MAP3K3: variants seen among roughly 807,000 people sequenced by gnomAD.
MAP3K3 encodes MAP/ERK kinase kinase 3.
MAP3K3 carries 12 observed loss-of-function variants against 80.9 expected under a neutral mutation model. The ratio of observed to expected loss-of-function variants is 0.15; its 90% confidence interval spans 0.10 to 0.24. The LOEUF is 0.24. Among genes scored for constraint, MAP3K3 ranks in the 10% least tolerant of loss-of-function variants. The pLI, the probability that MAP3K3 is intolerant of heterozygous loss-of-function variation, is 1.00. For synonymous variants in MAP3K3, 272 were observed against 307.1 expected (o/e 0.89, Z 1.19); for missense variants, 596 against 834.7 (o/e 0.71, Z 3.52).
rs1253452563 is a variant in MAP3K3, at chr17:63,660,724, C to T, written c.381+2817C>T. Among the ~76,000 whole-genome samples the T allele has an allele frequency of 3.3e-5, 5 of 152,190 alleles. No homozygotes were observed. In the East Asian group the frequency reaches 9.7e-4, roughly 29 times the overall value. On this transcript the variant is annotated intron_variant, in intron 5 of 15. Transcript: ENST00000361733. ...TCTCCTGCCTCAGCCTCCCCAGTAG[C>T]TGGGGTTACAGGCATGCACCACCAC...
Position 63,681,777 on chromosome 17 carries a change from C to G in MAP3K3, c.514C>G (p.Pro172Ala), listed in dbSNP as rs374807460. 1.4e-5 allele frequency: 21 copies of G among 1,511,180 alleles called. No homozygotes were observed. The highest frequency in any genetic ancestry group is 1.7e-5 in the Non-Finnish European group (19 of 1,124,116). The allele number at this position is 1,511,180 out of a possible 1,614,324, so 93.6% of individuals were successfully genotyped here. Reference protein sequence around the residue: ...SRHLSVSSQNPGRSSPPPGYV... With the variant: ...SRHLSVSSQNAGRSSPPPGYV... ...TTTATGTGCTCTAGGCTCCCAGAAC[C>G]CTGGCCGAAGCTCACCTCCCCCTGG... The change falls in exon 7 of 16, where the codon CCT becomes GCT. Residue 172 changes from proline (P) to alanine (A), a missense_variant. By Grantham distance (27) the Pro-to-Ala change is conservative (BLOSUM62 -1). Around this residue, in one of 2 missense-constraint regions of MAP3K3, gnomAD observed 232 missense variants for 245.8 expected, o/e 0.94. Coordinates refer to ENST00000361733, the MANE Select transcript of MAP3K3 (RefSeq NM_002401.5).
rs965009113 is a variant in MAP3K3, at chr17:63,691,579, C to T, written c.1345-154C>T. 6.6e-6 allele frequency among the ~76,000 whole-genome samples: 1 copy of T among 152,164 alleles called. No individual in the cohort carries two copies. The highest frequency in any genetic ancestry group is 2.4e-5 in the African/African-American group (1 of 41,432). On this transcript the variant is annotated intron_variant, in intron 13 of 15. Coordinates refer to ENST00000361733, the MANE Select transcript of MAP3K3 (RefSeq NM_002401.5). The surrounding 1 kb of genome is among the most constrained non-coding windows in gnomAD (Gnocchi z 4.8). ...AGAAGGACTTGGGGTACTCTCTTTT[C>T]CAAACTGCCTGACAGCTCCTGGCAA...
Position 63,655,951 on chromosome 17 carries a change from G to A in MAP3K3, c.268-1843G>A, listed in dbSNP as rs781485409. Among the ~76,000 whole-genome samples, 153 of 151,934 alleles carry A rather than the reference G, an allele frequency of 1.0e-3. 4 individuals carry two copies. The highest frequency in any genetic ancestry group is 1.0e-3 in the Non-Finnish European group (68 of 67,986). ...ATTTTAAATATGTACTGTTTTTGGC[G>A]AGGCGCGATGGTTCATGCCTGTAAT... On this transcript the variant is annotated intron_variant, in intron 4 of 15. Coordinates refer to ENST00000361733, the MANE Select transcript of MAP3K3 (RefSeq NM_002401.5).
chr17:63,645,916 G>A (rs1598075995), intron 2 of MAP3K3, 118 bp from the exon 3 acceptor site: 1 of 729,726 alleles, frequency 1.4e-6, no homozygotes, highest in Non-Finnish European at 2.5e-6. Context: ...AGCTGGACCA[G>A]GAGCCATCAG....
At chr17:63,641,376 G>A (rs935102457) in intron 2 of MAP3K3, among the ~76,000 whole-genome samples, 2 of 151,776 alleles carry the variant, frequency 1.3e-5, no homozygotes, top group African/African-American at 4.8e-5. Context: ...CCGAATAGCT[G>A]GGATTACAGG....
chr17:63,660,659 C>T (rs1301511663), intron 5 of MAP3K3, among the ~76,000 whole-genome samples: 2 of 151,328 alleles, frequency 1.3e-5, no homozygotes, highest in Non-Finnish European at 2.9e-5. Context: ...GGGGTGTGAT[C>T]TTGGCTCACC....
chr17:63,690,168 G>A (rs2035554282), intron 11 of MAP3K3, 96 bp from the exon 12 acceptor site: 4 of 1,403,636 alleles, frequency 2.8e-6, no homozygotes, highest in Non-Finnish European at 3.9e-6. Context: ...TGCTGGGTGA[G>A]GGGGAGCCTG....
At chr17:63,644,705 G>C (rs540368144) in intron 2 of MAP3K3, among the ~76,000 whole-genome samples, 1 of 152,108 alleles carries the variant, frequency 6.6e-6, no homozygotes, top group African/African-American at 2.4e-5. Flanking sequence ...TAATACCTTG[G>C]GAAAAGGGAG....
At chr17:63,627,552 C>T (rs1373947777) in intron 1 of MAP3K3, among the ~76,000 whole-genome samples, 1 of 151,878 alleles carries the variant, frequency 6.6e-6, no homozygotes, top group African/African-American at 2.4e-5. Flanking sequence ...AAGCAATTCT[C>T]CTACCTCAGC....
intron 5 of MAP3K3, among the ~76,000 whole-genome samples, chr17:63,665,851 C>T (rs1012951060): frequency 4.6e-5 from 7 of 152,164 alleles, no homozygotes; most frequent in Non-Finnish European, 7.3e-5. Flanking sequence ...GGCAGCTGAA[C>T]TCTCCCCTGA....
At chr17:63,673,407 CA>C (rs35537012) in intron 6 of MAP3K3, among the ~76,000 whole-genome samples, 1 of 151,304 alleles carries the variant, frequency 6.6e-6, no homozygotes, top group Admixed American at 6.6e-5. Flanking sequence ...CAGAAACAAA[CA>C]AAAAAAACCC....
intron 2 of MAP3K3, among the ~76,000 whole-genome samples, chr17:63,633,854 A>T (rs1477467450): frequency 3.3e-5 from 5 of 151,786 alleles, no homozygotes; most frequent in Non-Finnish European, 7.4e-5. Flanking sequence ...TTATCAGCTA[A>T]CCTCCTTTCT....
chr17:63,653,014 A>T (rs2034690985), intron 4 of MAP3K3, among the ~76,000 whole-genome samples: 1 of 152,186 alleles, frequency 6.6e-6, no homozygotes, highest in Non-Finnish European at 1.5e-5. Context: ...CAGAGGGTTT[A>T]GCAGGGGCTA....
intron 2 of MAP3K3, among the ~76,000 whole-genome samples, chr17:63,635,595 G>A (rs2034306617): frequency 6.6e-6 from 1 of 152,302 alleles, no homozygotes; most frequent in Middle Eastern, 3.4e-3. Flanking sequence ...GGAAAGATAG[G>A]GTAAGAGGTA....
intron 1 of MAP3K3, among the ~76,000 whole-genome samples, chr17:63,626,728 G>A (rs1462462857): frequency 6.6e-6 from 1 of 152,232 alleles, no homozygotes; most frequent in African/African-American, 2.4e-5. Context: ...TATGTGGAAT[G>A]TCATGAAGAG....
At chr17:63,628,816 TAATAA>T (rs1398811222) in intron 1 of MAP3K3, among the ~76,000 whole-genome samples, 6 of 152,246 alleles carry the variant, frequency 3.9e-5, no homozygotes, top group Non-Finnish European at 7.3e-5. Context: ...AAAAGTTCAG[TAATAA>T]AATTAAGTAT....
chr17:63,676,585 T>C (rs957534950), intron 6 of MAP3K3, among the ~76,000 whole-genome samples: 1 of 152,244 alleles, frequency 6.6e-6, no homozygotes, highest in African/African-American at 2.4e-5. Flanking sequence ...CAGAGTTCAG[T>C]TGTGCAGAGG....
At chr17:63,634,803 T>C (rs757667016) in intron 2 of MAP3K3, 25 of 1,613,122 alleles carry the variant, frequency 1.5e-5, no homozygotes, top group Non-Finnish European at 2.0e-5. Flanking sequence ...AAATTTTTGG[T>C]AAGGATCCAG....
At chr17:63,651,899 A>T (rs1055920697) in intron 3 of MAP3K3, among the ~76,000 whole-genome samples, 1 of 152,198 alleles carries the variant, frequency 6.6e-6, no homozygotes, top group Admixed American at 6.5e-5. Flanking sequence ...TTCTTATGGC[A>T]TCTCAAAGAT....
Sources: allele counts gnomAD v4.1 joint callset (sites outside exome capture counted in the v4.1 genomes callset), GRCh38; gene constraint gnomAD v4.1.1; regional missense constraint gnomAD v4.1.1; non-coding constraint Gnocchi (gnomAD v3.1); transcripts MANE v1.5; gene names NCBI Gene and HGNC (gene_info 2026-07-23, HGNC 2026-07-21).